Variants in ZNF730 observed in about 807,000 individuals in gnomAD.
The protein encoded by ZNF730 is zinc finger protein 730.
ZNF730 carries 12 observed loss-of-function variants against 12.6 expected under a neutral mutation model. The observed-to-expected ratio is 0.95, with a 90% CI of 0.61 to 1.54. ZNF730 has a LOEUF of 1.54. Ranked by LOEUF, ZNF730 falls within the 40% of genes most tolerant of loss-of-function variation. The probability of loss-of-function intolerance (pLI) is 0.00; values close to 1 mark genes in which losing one functional copy is unlikely to be tolerated. For missense variants in ZNF730, 643 were observed against 583.5 expected (o/e 1.10, Z -1.05); for synonymous variants, 194 against 195.8 (o/e 0.99, Z 0.08).
At chr19:23,105,840 A>T (rs1970386656) in intron 1 of ZNF730, among the ~76,000 whole-genome samples, 1 of 152,220 alleles carries the variant, frequency 6.6e-6, no homozygotes, top group South Asian at 2.1e-4. Context: ...TCCATAAAAT[A>T]GCATCCTAGT....
chr19:23,109,442 T>C (rs1433912696), intron 1 of ZNF730, among the ~76,000 whole-genome samples: 1 of 151,242 alleles, frequency 6.6e-6, no homozygotes, highest in African/African-American at 2.4e-5. Flanking sequence ...GGAGTCTCCA[T>C]CTGTCACCCA....
chr19:23,127,780 C>T (rs1391179244), intron 1 of ZNF730: 1 of 795,650 alleles, frequency 1.3e-6, no homozygotes, highest in African/African-American at 1.7e-5. Context: ...GGGCCATCGT[C>T]CAGGTCTTCC....
At chr19:23,110,860 T>C (rs183171832) in intron 1 of ZNF730, among the ~76,000 whole-genome samples, 225 of 152,304 alleles carry the variant, frequency 1.5e-3, no homozygotes, top group African/African-American at 5.1e-3. Flanking sequence ...CTGCCACATA[T>C]TGTGTTAAAT....
chr19:23,105,327 G>A (rs1484684085), intron 1 of ZNF730, among the ~76,000 whole-genome samples: 1 of 151,960 alleles, frequency 6.6e-6, no homozygotes, highest in African/African-American at 2.4e-5. Context: ...ATCTTGGCCA[G>A]CTGCTCCTAA....
At chr19:23,095,291 A>G (rs1378913290) in intron 1 of ZNF730, 1 of 398,190 alleles carries the variant, frequency 2.5e-6, no homozygotes, top group African/African-American at 2.1e-5. Context: ...GTTGGGCCTC[A>G]CACGTACGTT....
chr19:23,090,664 C>T (rs1970142654), intron 1 of ZNF730, among the ~76,000 whole-genome samples: 1 of 152,110 alleles, frequency 6.6e-6, no homozygotes, highest in African/African-American at 2.4e-5. Flanking sequence ...GAGATTTTCA[C>T]AGCAGCTCCT....
intron 1 of ZNF730, among the ~76,000 whole-genome samples, chr19:23,082,506 C>T (rs1488554930): frequency 2.0e-5 from 3 of 151,842 alleles, no homozygotes; most frequent in Admixed American, 1.3e-4. Flanking sequence ...GCCTCCATGC[C>T]CAGCTAATTT....
rs1377829532 is a variant in ZNF730, at chr19:23,135,024, C to G, written c.130+818C>G. Among the ~76,000 whole-genome samples the G allele has an allele frequency of 3.4e-5, 4 of 116,006 alleles. No homozygotes were observed. The Admixed American group carries it at 3.9e-4, about 11-fold the overall frequency. The allele number at this position is 116,006 out of a possible 152,430, so 76.1% of individuals were successfully genotyped here. A position where few individuals can be genotyped will look rare whatever the true frequency, so the allele number is the denominator to read the frequency against. On this transcript the variant is annotated intron_variant, in intron 2 of 3. Transcript: ENST00000597761. ...GCTTTGTTAAACAGATGCTTGAAGG[C>G]AGCATGCTCGTTAAGAGTCATCACC...
intron 1 of ZNF730, among the ~76,000 whole-genome samples, chr19:23,094,618 C>T (rs1054897088): frequency 2.0e-5 from 3 of 152,074 alleles, no homozygotes; most frequent in African/African-American, 4.8e-5. Context: ...GGATTACAGG[C>T]GTGTGCCACC....
intron 1 of ZNF730, among the ~76,000 whole-genome samples, chr19:23,106,685 G>A (rs1390419974): frequency 1.3e-5 from 2 of 152,096 alleles, no homozygotes; most frequent in African/African-American, 2.4e-5. Context: ...CAGCTCCTCG[G>A]GAGGTTGAGG....
chr19:23,131,488 AAAAC>A (rs1970741962), intron 1 of ZNF730, among the ~76,000 whole-genome samples: 1 of 152,096 alleles, frequency 6.6e-6, no homozygotes, highest in African/African-American at 2.4e-5. Flanking sequence ...TCTAAATACA[AAAAC>A]AAAAAACAAA....
In ZNF730 at chr19:23,122,710, T is replaced by C. The variant is rs1221695511; in HGVS notation, c.3+5534T>C. Among the ~76,000 whole-genome samples, 11 of 152,364 alleles carry C rather than the reference T, an allele frequency of 7.2e-5. No individual in the cohort carries two copies. The East Asian group carries it at 2.1e-3, about 29-fold the overall frequency. On this transcript the variant is annotated intron_variant, in intron 1 of 3. Transcript: ENST00000597761. ...ACAATTAGTATAGTTAGGTGTAGTGTTTGTAGACAACTTGCATTCACACAA... is the reference window on the plus strand; with the variant it reads ...ACAATTAGTATAGTTAGGTGTAGTGCTTGTAGACAACTTGCATTCACACAA...
chr19:23,095,279 T>C (rs147488391), intron 1 of ZNF730: 4 of 397,856 alleles, frequency 1.0e-5, no homozygotes, highest in Non-Finnish European at 1.3e-5. Flanking sequence ...TTGTGTAATA[T>C]CGTTGGGCCT....
upstream of ZNF730, chr19:23,116,985 G>A: frequency 1.3e-5 from 11 of 869,308 alleles, no homozygotes; most frequent in East Asian, 4.5e-5. Flanking sequence ...AATCAGGCCC[G>A]CAGCTGGAGC....
intron 1 of ZNF730, among the ~76,000 whole-genome samples, chr19:23,109,722 T>C (rs1301531162): frequency 6.6e-6 from 1 of 152,034 alleles, no homozygotes; most frequent in African/African-American, 2.4e-5. Context: ...CTAATTTTTG[T>C]ATTTTTAGTA....
intron 1 of ZNF730, among the ~76,000 whole-genome samples, chr19:23,101,585 C>A (rs1445604261): frequency 6.6e-6 from 1 of 152,162 alleles, no homozygotes; most frequent in Non-Finnish European, 1.5e-5. Flanking sequence ...TGGCCCAGCC[C>A]ACAGATGAGA....
chr19:23,138,437 T>C (rs531818932), intron 3 of ZNF730, among the ~76,000 whole-genome samples: 47 of 152,214 alleles, frequency 3.1e-4, no homozygotes, highest in African/African-American at 1.1e-3. Context: ...GGGAAGACAA[T>C]AAGGACCAAG....
intron 1 of ZNF730, among the ~76,000 whole-genome samples, chr19:23,132,042 G>T (rs1970749282): frequency 6.9e-6 from 1 of 145,972 alleles, no homozygotes; most frequent in South Asian, 2.2e-4. Flanking sequence ...GAAATTGCTG[G>T]TGTCTGTGGC....
intron 3 of ZNF730, among the ~76,000 whole-genome samples, chr19:23,141,745 CTT>C (rs377037414): frequency 6.6e-6 from 1 of 150,702 alleles, no homozygotes; most frequent in Non-Finnish European, 1.5e-5. Flanking sequence ...TTTGGTAAGA[CTT>C]TTTTTTTGGC....
Sources: allele counts gnomAD v4.1 joint callset (sites outside exome capture counted in the v4.1 genomes callset), GRCh38; gene constraint gnomAD v4.1.1; transcripts MANE v1.5; gene names NCBI Gene and HGNC (gene_info 2026-07-23, HGNC 2026-07-21).